CYSRT1: variants seen among roughly 807,000 people sequenced by gnomAD.
CYSRT1 encodes the protein cysteine-rich tail protein 1.
Under a neutral mutation model 6.2 loss-of-function variants are expected in CYSRT1, and 7 were observed. That is an observed-to-expected ratio of 1.13 (90% CI 0.64 to 2.13). The LOEUF is 2.13. Among genes scored for constraint, CYSRT1 ranks in the 30% most tolerant of loss-of-function variants. The probability of loss-of-function intolerance (pLI) is 0.00; values close to 1 mark genes in which losing one functional copy is unlikely to be tolerated. For synonymous variants in CYSRT1, 75 were observed against 83.1 expected, an observed-to-expected ratio of 0.90 and a Z score of 0.53; for missense variants, 188 against 196.4, an observed-to-expected ratio of 0.96 and a Z score of 0.26.
In CYSRT1 at chr9:137,225,227, A is replaced by T; in HGVS notation, c.-15A>T. ...CGAGAGGACAGACTGCCGTGTTGCC[A>T]CCACAGGTAAGCCCTTGGCCGCCGG... On this transcript the variant is annotated 5_prime_UTR_variant, in exon 1 of 2. Coordinates refer to ENST00000650725, the MANE Select transcript of CYSRT1 (RefSeq NM_199001.5). 6.5e-7 allele frequency: 1 copy of T among 1,549,850 alleles called. No individual in the cohort carries two copies. The highest frequency in any genetic ancestry group is 2.4e-5 in the East Asian group (1 of 40,928).
chr9:137,225,827 C>G lies in CYSRT1; in HGVS notation c.206C>G (p.Ala69Gly). 6.5e-7 allele frequency: 1 copy of G among 1,548,320 alleles called. No homozygotes were observed. Among genetic ancestry groups the G allele is most frequent in the Non-Finnish European group, 8.7e-7 (1 of 1,146,866 alleles). ...QPTEVPGPKG[A>G]KGNQGAAPIQ... Reference sequence around the variant, plus strand: ...ACCGAGGTCCCAGGGCCCAAGGGCGCCAAGGGTAACCAGGGGGCTGCCCCC... The same window carrying G: ...ACCGAGGTCCCAGGGCCCAAGGGCGGCAAGGGTAACCAGGGGGCTGCCCCC... Residue 69 changes from alanine (A) to glycine (G), a missense_variant, in exon 2 of 2, where the codon GCC becomes GGC. Ala to Gly is a moderately conservative substitution (Grantham distance 60, BLOSUM62 0). Transcript: ENST00000650725.
chr9:137,225,558 G>T, intron 1 of CYSRT1, 56 bp from the exon 2 acceptor site: 1 of 1,487,374 alleles, frequency 6.7e-7, no homozygotes, highest in South Asian at 1.3e-5. Flanking sequence ...GCAGGCTCGT[G>T]GGCAGCCATC....
rs1432110622 is a variant in CYSRT1 at position 137,225,987 on chromosome 9, C to G, written c.366C>G (p.Pro122=). The change falls in exon 2 of 2, where the codon CCC becomes CCG. Residue 122 remains proline, a synonymous_variant. Coordinates refer to ENST00000650725, the MANE Select transcript of CYSRT1 (RefSeq NM_199001.5). The part of the protein sequence containing the change: ...DDIAHHCCCC[P]CCHCCHCPPF... The stretch of plus-strand genomic sequence containing the variant: ...TCGCCCACCACTGCTGCTGCTGCCC[C>G]TGCTGCCACTGCTGCCACTGCCCCC... The G allele has an allele frequency of 3.2e-6, 5 of 1,548,390 alleles. No individual in the cohort carries two copies. The Admixed American group carries it at 5.9e-5, about 18-fold the overall frequency.
intron 1 of CYSRT1, 30 bp from the exon 2 acceptor site, chr9:137,225,584 C>A: frequency 2.0e-6 from 3 of 1,533,292 alleles, no homozygotes; most frequent in South Asian, 1.2e-5. Flanking sequence ...CCACTGAGTT[C>A]ATGTCTGTCT....
rs536512304 is a variant in CYSRT1 at position 137,225,952 on chromosome 9, G to A, written c.331G>A (p.Gly111Arg). The A allele has an allele frequency of 3.0e-5, 47 of 1,548,142 alleles. No individual in the cohort carries two copies. Among genetic ancestry groups the A allele is most frequent in the African/African-American group, 1.5e-4 (11 of 73,160 alleles). ...TYAGPPPAGRGDDIAHHCCCC... is the reference protein window; with the variant it reads ...TYAGPPPAGRRDDIAHHCCCC... The stretch of plus-strand genomic sequence containing the variant: ...CGCTGGCCCTCCGCCCGCGGGGCGC[G>A]GGGATGACATCGCCCACCACTGCTG... Residue 111 changes from glycine to arginine, a missense_variant, in exon 2 of 2, where the codon GGG (glycine) becomes AGG (arginine). Transcript: ENST00000650725.
chr9:137,226,202 G>C lies in CYSRT1; in HGVS notation c.*146G>C, dbSNP rs1290376456. ...CACTGGGGCTCAGACCCACCAGGAA[G>C]GTGGCCGTTCAGCCCGAGCTCCTGA... is the stretch of plus-strand genomic sequence containing the variant. On this transcript the variant is annotated 3_prime_UTR_variant, in exon 2 of 2. Transcript: ENST00000650725. 3.4e-5 allele frequency: 48 copies of C among 1,422,000 alleles called. No homozygotes were observed. Among genetic ancestry groups the C allele is most frequent in the African/African-American group, 4.3e-5 (3 of 69,068 alleles). The allele number at this position is 1,422,000 out of a possible 1,614,324, so 88.1% of individuals were successfully genotyped here.
rs1379024076 is a variant in CYSRT1, at chr9:137,225,187, T to C, written c.-55T>C. 6.4e-7 allele frequency: 1 copy of C among 1,550,404 alleles called. No individual in the cohort carries two copies. The highest frequency in any genetic ancestry group is 2.0e-5 in the Admixed American group (1 of 51,006). On this transcript the variant is annotated 5_prime_UTR_variant, in exon 1 of 2. Transcript: ENST00000650725. ...GTCGCTCAACTCAGGCACTGGGACC[T>C]AGAGCTCAGAAGACCGAGAGGACAG...
chr9:137,226,037 G>A lies in CYSRT1; in HGVS notation c.416G>A (p.Cys139Tyr), dbSNP rs1162187547. The part of the protein sequence containing the change: ...CPPFCRCHSC[C>Y]CCVIS Reference sequence around the variant, plus strand: ...CCCTTCTGCCGCTGCCACAGCTGCTGCTGCTGTGTCATCTCCTAGCCCAGC... The same window carrying A: ...CCCTTCTGCCGCTGCCACAGCTGCTACTGCTGTGTCATCTCCTAGCCCAGC... The change falls in exon 2 of 2, where the codon TGC becomes TAC. Residue 139 changes from cysteine (C) to tyrosine (Y), a missense_variant. Cys to Tyr is a radical substitution (Grantham distance 194). Transcript: ENST00000650725. The A allele has an allele frequency of 1.9e-6, 3 of 1,548,666 alleles. No homozygotes were observed. Among genetic ancestry groups the A allele is most frequent in the African/African-American group, 2.7e-5 (2 of 73,016 alleles).
rs1429670449 is a variant in CYSRT1, at chr9:137,226,010, C to T, written c.389C>T (p.Pro130Leu). 2.6e-6 allele frequency: 4 copies of T among 1,549,102 alleles called. No individual in the cohort carries two copies. Among genetic ancestry groups the T allele is most frequent in the Non-Finnish European group, 3.5e-6 (4 of 1,146,784 alleles). The change falls in exon 2 of 2, where the codon CCC becomes CTC. Residue 130 changes from proline (P) to leucine (L), a missense_variant. Coordinates refer to ENST00000650725, the MANE Select transcript of CYSRT1 (RefSeq NM_199001.5). ...CCPCCHCCHC[P>L]PFCRCHSCCC... ...CCCTGCTGCCACTGCTGCCACTGCC[C>T]CCCCTTCTGCCGCTGCCACAGCTGC...
Position 137,225,900 on chromosome 9 carries a change from C to T in CYSRT1, c.279C>T (p.Ser93=), listed in dbSNP as rs973845687. The T allele has an allele frequency of 2.6e-6, 4 of 1,545,506 alleles. No individual in the cohort carries two copies. The highest frequency in any genetic ancestry group is 2.4e-5 in the South Asian group (2 of 84,016). Reference sequence around the variant, plus strand: ...AGCAGCCTGGCAACCCCTACAGCAGCAGTCAGCGCCAGGCCGGACTGACCT... The same window carrying T: ...AGCAGCCTGGCAACCCCTACAGCAGTAGTCAGCGCCAGGCCGGACTGACCT... ...AWQQPGNPYS[S]SQRQAGLTYA... Residue 93 remains serine (S), a synonymous_variant, in exon 2 of 2, where the codon AGC becomes AGT. Coordinates refer to ENST00000650725, the MANE Select transcript of CYSRT1 (RefSeq NM_199001.5).
At chr9:137,225,450 G>A (rs948971319) in intron 1 of CYSRT1, among the ~76,000 whole-genome samples, 164 bp from the exon 2 acceptor site, 1 of 152,234 alleles carries the variant, frequency 6.6e-6, no homozygotes, top group Non-Finnish European at 1.5e-5. Context: ...CACTAGCCTT[G>A]CACACACATT....
Position 137,225,736 on chromosome 9 carries a change from T to A in CYSRT1, c.115T>A (p.Ser39Thr), listed in dbSNP as rs182088466. The change falls in exon 2 of 2, where the codon TCC becomes ACC. Residue 39 changes from serine to threonine, a missense_variant. Ser to Thr is a moderately conservative substitution (Grantham distance 58). Transcript: ENST00000650725. ...AGAGGTGGCTTCCACCTGTTCCTCA[T>A]CCTCGGAGATGCAGCCCCTGCCAGT... ...QLEVASTCSS[S>T]SEMQPLPVGP... 5.9e-3 allele frequency: 9,136 copies of A among 1,550,242 alleles called. 32 individuals carry two copies. The highest frequency in any genetic ancestry group is 7.1e-3 in the Non-Finnish European group (8,120 of 1,146,924).
At position 137,226,193 on chromosome 9, in the gene CYSRT1, C is replaced by G. The variant is rs1243222375; in HGVS notation, c.*137C>G. 7.0e-7 allele frequency: 1 copy of G among 1,436,278 alleles called. No homozygotes were observed. The allele number at this position is 1,436,278 out of a possible 1,614,324, so 89.0% of individuals were successfully genotyped here. ...CACACCAGGCACTGGGGCTCAGACC[C>G]ACCAGGAAGGTGGCCGTTCAGCCCG... On this transcript the variant is annotated 3_prime_UTR_variant, in exon 2 of 2. Coordinates refer to ENST00000650725, the MANE Select transcript of CYSRT1 (RefSeq NM_199001.5).
In CYSRT1 at chr9:137,226,049, TCTC is replaced by T. The variant is rs1285181935; in HGVS notation, c.431_433del (p.Ser144del). 1 of 1,548,060 alleles carries T rather than the reference TCTC, an allele frequency of 6.5e-7. No individual in the cohort carries two copies. The highest frequency in any genetic ancestry group is 8.7e-7 in the Non-Finnish European group (1 of 1,146,522). On this transcript the variant is annotated inframe_deletion, in exon 2 of 2. Coordinates refer to ENST00000650725, the MANE Select transcript of CYSRT1 (RefSeq NM_199001.5). ...TGCCACAGCTGCTGCTGCTGTGTCA[TCTC>T]CTAGCCCAGCCCACCCTGCCAGGGC...
At position 137,226,172 on chromosome 9, in the gene CYSRT1, C is replaced by A. The variant is rs1835972830; in HGVS notation, c.*116C>A. 1 of 1,469,842 alleles carries A rather than the reference C, an allele frequency of 6.8e-7. No individual in the cohort carries two copies. The highest frequency in any genetic ancestry group is 2.2e-5 in the Admixed American group (1 of 44,478). 91.0% of individuals were successfully genotyped at this position (1,469,842 alleles called of 1,614,324 possible). A position where few individuals can be genotyped will look rare whatever the true frequency, so the allele number is the denominator to read the frequency against. The stretch of plus-strand genomic sequence containing the variant: ...TGTCATGGGCGTCTGCCCCTTCACA[C>A]CAGGCACTGGGGCTCAGACCCACCA... On this transcript the variant is annotated 3_prime_UTR_variant, in exon 2 of 2. Coordinates refer to ENST00000650725, the MANE Select transcript of CYSRT1 (RefSeq NM_199001.5).
chr9:137,225,547 C>T (rs1038016579), intron 1 of CYSRT1, 67 bp from the exon 2 acceptor site: 12 of 1,474,322 alleles, frequency 8.1e-6, no homozygotes, highest in Admixed American at 2.4e-5. Context: ...TTTCCTGGGC[C>T]GCAGGCTCGT....
rs1835961151 is a variant in CYSRT1 at position 137,225,861 on chromosome 9, C to T, written c.240C>T (p.Asn80=). 1 of 1,546,518 alleles carries T rather than the reference C, an allele frequency of 6.5e-7. No individual in the cohort carries two copies. Among genetic ancestry groups the T allele is most frequent in the African/African-American group, 1.4e-5 (1 of 73,184 alleles). The change falls in exon 2 of 2, where the codon AAC becomes AAT. Residue 80 remains asparagine, a synonymous_variant. Coordinates refer to ENST00000650725, the MANE Select transcript of CYSRT1 (RefSeq NM_199001.5). ...KGNQGAAPIQ[N]QQAWQQPGNP... is the part of the protein sequence containing the mutation. Reference sequence around the variant, plus strand: ...ACCAGGGGGCTGCCCCCATCCAGAACCAGCAGGCCTGGCAGCAGCCTGGCA... The same window carrying T: ...ACCAGGGGGCTGCCCCCATCCAGAATCAGCAGGCCTGGCAGCAGCCTGGCA...
chr9:137,226,011 C>T lies in CYSRT1; in HGVS notation c.390C>T (p.Pro130=), dbSNP rs1743573578. 6.5e-7 allele frequency: 1 copy of T among 1,549,062 alleles called. No homozygotes were observed. Residue 130 remains proline, a synonymous_variant, in exon 2 of 2, where the codon CCC becomes CCT. Coordinates refer to ENST00000650725, the MANE Select transcript of CYSRT1 (RefSeq NM_199001.5). ...CCTGCTGCCACTGCTGCCACTGCCC[C>T]CCCTTCTGCCGCTGCCACAGCTGCT... ...CCPCCHCCHC[P]PFCRCHSCCC...
rs779935067 is a variant in CYSRT1 at position 137,225,690 on chromosome 9, G to T, written c.69G>T (p.Arg23=). ...AHISIPRAHL[R]PDLGQQLEVA... ...TCAGCATCCCCCGGGCTCACCTGCGGCCTGACCTGGGGCAGCAGTTAGAGG... is the reference window on the plus strand; with the variant it reads ...TCAGCATCCCCCGGGCTCACCTGCGTCCTGACCTGGGGCAGCAGTTAGAGG... The change falls in exon 2 of 2, where the codon CGG becomes CGT. Residue 23 remains arginine (R), a synonymous_variant. Coordinates refer to ENST00000650725, the MANE Select transcript of CYSRT1 (RefSeq NM_199001.5). 6.4e-7 allele frequency: 1 copy of T among 1,550,426 alleles called. No homozygotes were observed. The highest frequency in any genetic ancestry group is 8.7e-7 in the Non-Finnish European group (1 of 1,146,960).
Sources: gnomAD v4.1 joint callset for allele counts (sites outside exome capture counted in the v4.1 genomes callset) on GRCh38, gnomAD v4.1.1 for gene constraint, MANE v1.5 for transcripts, NCBI Gene and HGNC (gene_info 2026-07-23, HGNC 2026-07-21) for gene names.